Variants in ARFGEF1 observed in about 807,000 individuals in gnomAD.
The protein encoded by ARFGEF1 is ARF guanine nucleotide exchange factor 1, also known as brefeldin A-inhibited guanine nucleotide-exchange protein 1.
A neutral mutation model predicts 231.0 loss-of-function variants in ARFGEF1; 42 were observed. The ratio of observed to expected loss-of-function variants is 0.18; its 90% CI spans 0.14 to 0.24. ARFGEF1 has a LOEUF of 0.24. Ranked by LOEUF, ARFGEF1 falls within the 10% of genes least tolerant of loss-of-function variation. The probability of loss-of-function intolerance (pLI) is 1.00; values close to 1 mark genes in which losing one functional copy is unlikely to be tolerated. For synonymous variants in ARFGEF1, 710 were observed against 732.3 expected (o/e 0.97, Z 0.49); for missense variants, 1,345 against 2,192.0 (o/e 0.61, Z 7.72).
rs764719716 is a variant in ARFGEF1, at chr8:67,288,036, C to T, written c.946G>A (p.Gly316Arg). The change falls in exon 7 of 39, where the codon GGA becomes AGA. Residue 316 changes from glycine (G) to arginine (R), a missense_variant. Gly to Arg is a moderately radical substitution (Grantham distance 125). Around this residue, in one of 14 missense-constraint regions of ARFGEF1, gnomAD observed 398 missense variants for 463.2 expected, o/e 0.86. Transcript: ENST00000262215. ...TTTTCCTCACAATCATGGTTTTCTCCGTCATATAACACTTCATTTTTAGAT... is the reference window on the plus strand; with the variant it reads ...TTTTCCTCACAATCATGGTTTTCTCTGTCATATAACACTTCATTTTTAGAT... ...TLSKNEVLYD[G>R]ENHDCEEKPQ... is the part of the protein sequence containing the mutation. 140 of 1,603,056 alleles carry T rather than the reference C, an allele frequency of 8.7e-5. No individual in the cohort carries two copies. The highest frequency in any genetic ancestry group is 1.6e-4 in the South Asian group (14 of 88,486).
At chr8:67,298,587 A>C (rs969735499) in intron 4 of ARFGEF1, among the ~76,000 whole-genome samples, 1 of 152,124 alleles carries the variant, frequency 6.6e-6, no homozygotes, top group African/African-American at 2.4e-5. Context: ...TGATGGATGC[A>C]ATATATATAT....
intron 5 of ARFGEF1, among the ~76,000 whole-genome samples, chr8:67,294,761 T>C (rs959136950): frequency 3.9e-5 from 6 of 152,122 alleles, no homozygotes; most frequent in Non-Finnish European, 8.8e-5. Context: ...ACGGAAGGGA[T>C]AGTATATAAA....
chr8:67,334,969 A>C (rs1808275571), intron 1 of ARFGEF1, among the ~76,000 whole-genome samples: 1 of 152,228 alleles, frequency 6.6e-6, no homozygotes, highest in African/African-American at 2.4e-5. Context: ...TGGCTGCATA[A>C]TTCAGTAAAT....
intron 1 of ARFGEF1, among the ~76,000 whole-genome samples, chr8:67,332,004 A>C (rs893760688): frequency 3.3e-5 from 5 of 152,204 alleles, no homozygotes; most frequent in African/African-American, 1.2e-4. Context: ...TAATTTAAAA[A>C]AAAAATCTGT....
chr8:67,224,065 G>A (rs769492637), intron 29 of ARFGEF1, among the ~76,000 whole-genome samples: 2 of 152,154 alleles, frequency 1.3e-5, no homozygotes, highest in East Asian at 3.8e-4. Flanking sequence ...GGTGGGGGAT[G>A]GGGGTGGTTC....
downstream of ARFGEF1, chr8:67,173,971 T>G (rs1316219545): frequency 6.6e-6 from 1 of 152,252 alleles, no homozygotes; most frequent in African/African-American, 2.4e-5. Context: ...TGTGTCCTTG[T>G]GTATTCTTGT....
At chr8:67,225,093 C>A (rs111852482) in intron 28 of ARFGEF1, 60 bp from the exon 29 acceptor site, 1 of 1,380,846 alleles carries the variant, frequency 7.2e-7, no homozygotes, top group South Asian at 1.8e-5. Flanking sequence ...ATTCAGTATA[C>A]TAACTTCTCA....
intron 14 of ARFGEF1, among the ~76,000 whole-genome samples, chr8:67,265,591 A>G (rs2290587): frequency 0.022 from 3,420 of 152,244 alleles, 82 homozygotes; most frequent in South Asian, 0.047. Context: ...AATGAAATCA[A>G]TAACAAGAAT....
chr8:67,218,191 TAAAAA>T lies in ARFGEF1; in HGVS notation c.4339-58_4339-54del, dbSNP rs10719102. 47 of 153,682 alleles carry T rather than the reference TAAAAA, an allele frequency of 3.1e-4. 1 individual carries two copies. Among genetic ancestry groups the T allele is most frequent in the African/African-American group, 1.0e-3 (18 of 17,678 alleles). The allele number at this position is 153,682 out of a possible 1,614,324, so 9.5% of individuals were successfully genotyped here. A position where few individuals can be genotyped will look rare whatever the true frequency, so the allele number is the denominator to read the frequency against. ...CACGCCATTAATCAACTACTATGAT[TAAAAA>T]AAAAAAAAAAAATATATATATATAT... On this transcript the variant is annotated intron_variant, in intron 30 of 38. Transcript: ENST00000262215.
At chr8:67,336,476 G>A (rs746476222) in intron 1 of ARFGEF1, among the ~76,000 whole-genome samples, 1 of 152,148 alleles carries the variant, frequency 6.6e-6, no homozygotes, top group Non-Finnish European at 1.5e-5. Context: ...TCCTCTCATA[G>A]TTCTGGTGGC....
Position 67,198,229 on chromosome 8 carries a change from A to G in ARFGEF1, c.*705T>C. On this transcript the variant is annotated 3_prime_UTR_variant, in exon 39 of 39. Transcript: ENST00000262215. The stretch of plus-strand genomic sequence containing the variant: ...ACAGCCTCAAAATCACCACCTACCA[A>G]AAAGGGCAAAACTAAAAATCCCTAT... The G allele has an allele frequency of 1.0e-6, 1 of 985,842 alleles. No individual in the cohort carries two copies. Among genetic ancestry groups the G allele is most frequent in the Non-Finnish European group, 1.2e-6 (1 of 829,936 alleles). The allele number at this position is 985,842 out of a possible 1,614,324, so 61.1% of individuals were successfully genotyped here. A position where few individuals can be genotyped will look rare whatever the true frequency, so the allele number is the denominator to read the frequency against.
At chr8:67,274,264 T>G (rs1019616057) in intron 9 of ARFGEF1, among the ~76,000 whole-genome samples, 38 of 147,526 alleles carry the variant, frequency 2.6e-4, no homozygotes, top group Middle Eastern at 3.4e-3. Flanking sequence ...CCAGAAAATA[T>G]AAGGGGAAGC....
chr8:67,326,147 G>A (rs1006105199), intron 1 of ARFGEF1, among the ~76,000 whole-genome samples: 7 of 152,116 alleles, frequency 4.6e-5, no homozygotes, highest in Non-Finnish European at 1.0e-4. Context: ...GCAGTGAGCT[G>A]AGATTGTGCC....
At chr8:67,307,680 C>T (rs1224915611) in intron 1 of ARFGEF1, among the ~76,000 whole-genome samples, 1 of 152,158 alleles carries the variant, frequency 6.6e-6, no homozygotes, top group Non-Finnish European at 1.5e-5. Context: ...TGGCAATATT[C>T]AGCAAGAATC....
At chr8:67,176,248 A>G (rs1214319487) in intron 5 of ARFGEF1, among the ~76,000 whole-genome samples, 1 of 152,174 alleles carries the variant, frequency 6.6e-6, no homozygotes, top group Non-Finnish European at 1.5e-5. Flanking sequence ...AAAACCCAAC[A>G]ATCAGATAAC....
chr8:67,215,655 G>T (rs1838901809), intron 33 of ARFGEF1, among the ~76,000 whole-genome samples: 1 of 152,154 alleles, frequency 6.6e-6, no homozygotes, highest in Non-Finnish European at 1.5e-5. Flanking sequence ...AATGCCAAAG[G>T]TTGTCAACAG....
chr8:67,260,294 A>G (rs1047190312), intron 14 of ARFGEF1, among the ~76,000 whole-genome samples: 7 of 152,200 alleles, frequency 4.6e-5, no homozygotes. Flanking sequence ...TCATACAGGC[A>G]TACTTCATTT....
rs183532085 is a variant in ARFGEF1, at chr8:67,247,363, T to G, written c.2850+3936A>C. Among the ~76,000 whole-genome samples the G allele has an allele frequency of 6.5e-4, 97 of 149,930 alleles. 5 individuals are homozygous for G. The highest frequency in any genetic ancestry group is 2.3e-3 in the African/African-American group (91 of 40,162). ...TCAACAAAATACCAGCAAACCAAATTCAACAACACATTTAAAAGATTATTC... is the reference window on the plus strand; with the variant it reads ...TCAACAAAATACCAGCAAACCAAATGCAACAACACATTTAAAAGATTATTC... On this transcript the variant is annotated intron_variant, in intron 19 of 38. Transcript: ENST00000262215.
In ARFGEF1 at chr8:67,277,360, A is replaced by G. The variant is rs374152435; in HGVS notation, c.1125T>C (p.Ile375=). ...SDSENIQANG[I]PGTPISVAYT... ...ATGCAACAGAAATTGGTGTTCCTGG[A>G]ATTCCATTTGCTTGAATATTTTCAC... is the stretch of plus-strand genomic sequence containing the variant. Residue 375 remains isoleucine, a synonymous_variant, in exon 8 of 39, where the codon ATT becomes ATC. Transcript: ENST00000262215. The G allele has an allele frequency of 6.8e-6, 11 of 1,613,690 alleles. No individual in the cohort carries two copies. Among genetic ancestry groups the G allele is most frequent in the Non-Finnish European group, 9.3e-6 (11 of 1,179,828 alleles).
Sources: gnomAD v4.1 joint callset for allele counts (sites outside exome capture counted in the v4.1 genomes callset) on GRCh38, gnomAD v4.1.1 for gene constraint, gnomAD v4.1.1 regional missense constraint, MANE v1.5 for transcripts, NCBI Gene and HGNC (gene_info 2026-07-23, HGNC 2026-07-21) for gene names.